The following DNER variants were observed in gnomAD, a reference collection of about 807,000 sequenced individuals.
DNER encodes delta and Notch-like epidermal growth factor-related receptor.
A neutral mutation model predicts 78.2 loss-of-function variants in DNER; 33 were observed. The observed-to-expected ratio is 0.42, with a 90% CI of 0.32 to 0.56. The LOEUF is 0.56. Among genes scored for constraint, DNER ranks in the 20% least tolerant of loss-of-function variants. The pLI is 0.11. For synonymous variants in DNER, 417 were observed against 384.8 expected, an observed-to-expected ratio of 1.08 and a Z score of -0.98; for missense variants, 918 against 975.3, an observed-to-expected ratio of 0.94 and a Z score of 0.78.
chr2:229,576,742 G>A (rs963527437), intron 4 of DNER, among the ~76,000 whole-genome samples: 2 of 152,186 alleles, frequency 1.3e-5, no homozygotes, highest in African/African-American at 4.8e-5. Flanking sequence ...GACTGGTAAA[G>A]CAAAGATTTT....
intron 7 of DNER, among the ~76,000 whole-genome samples, chr2:229,463,761 A>C (rs1055398850): frequency 6.6e-6 from 1 of 152,206 alleles, no homozygotes; most frequent in Non-Finnish European, 1.5e-5. Flanking sequence ...TGGTTTATGA[A>C]GTATTCTGCT....
intron 7 of DNER, among the ~76,000 whole-genome samples, chr2:229,462,080 C>T (rs1371038027): frequency 6.6e-6 from 1 of 152,060 alleles, no homozygotes; most frequent in African/African-American, 2.4e-5. Context: ...AGTTGACTTT[C>T]CTTCAAATTT....
intron 1 of DNER, among the ~76,000 whole-genome samples, chr2:229,668,573 T>TATATATATACAC (rs1259916500): frequency 2.2e-5 from 2 of 92,214 alleles, no homozygotes; most frequent in African/African-American, 1.2e-4. Context: ...TATATATATA[T>TATATATATACAC]ATATATAAAA....
At chr2:229,417,991 ATT>A in intron 9 of DNER, 115 bp downstream of exon 9, 1 of 1,520,408 alleles carries the variant, frequency 6.6e-7, no homozygotes, top group Non-Finnish European at 8.9e-7. Context: ...CAGCTTCAGC[ATT>A]TGATTGTTAT....
intron 4 of DNER, among the ~76,000 whole-genome samples, chr2:229,577,125 T>C (rs1697316787): frequency 6.6e-6 from 1 of 152,160 alleles, no homozygotes; most frequent in Admixed American, 6.5e-5. Context: ...AAGCTTAGTG[T>C]CTATGCATTT....
chr2:229,371,614 T>A lies in DNER; in HGVS notation c.1856-4495A>T, dbSNP rs923735399. Among the ~76,000 whole-genome samples, 4 of 152,328 alleles carry A rather than the reference T, an allele frequency of 2.6e-5. No individual in the cohort carries two copies. In the East Asian group the frequency reaches 7.7e-4, roughly 29 times the overall value. ...TTGAGCTAGGCAGAGGTGCTAAACT[T>A]GGAGCAGTTGCTCAAGGTGAGGCAG... On this transcript the variant is annotated intron_variant, in intron 11 of 12. Transcript: ENST00000341772.
At position 229,546,822 on chromosome 2, in the gene DNER, C is replaced by CAGATAGATAGATAGAT. The variant is rs1481830597; in HGVS notation, c.993+124_993+125insATCTATCTATCTATCT. On this transcript the variant is annotated intron_variant, in intron 5 of 12. Transcript: ENST00000341772. The stretch of plus-strand genomic sequence containing the variant: ...ATAGATAGACAGACAGACAGACAGA[C>CAGATAGATAGATAGAT]AGACAGACAGATAGATAGATAGAGC... 80 of 1,365,904 alleles carry CAGATAGATAGATAGAT rather than the reference C, an allele frequency of 5.9e-5. No homozygotes were observed. The African/African-American group carries it at 9.1e-4, about 16-fold the overall frequency. 84.6% of individuals were successfully genotyped at this position (1,365,904 alleles called of 1,614,324 possible). A position where few individuals can be genotyped will look rare whatever the true frequency, so the allele number is the denominator to read the frequency against.
chr2:229,407,554 C>G (rs1693415598), intron 9 of DNER, among the ~76,000 whole-genome samples: 1 of 152,156 alleles, frequency 6.6e-6, no homozygotes, highest in African/African-American at 2.4e-5. Context: ...CGATCACTGT[C>G]CATAGGTCCC....
chr2:229,631,566 C>A (rs752357441), intron 1 of DNER, among the ~76,000 whole-genome samples: 25 of 152,180 alleles, frequency 1.6e-4, no homozygotes, highest in Non-Finnish European at 3.2e-4. Context: ...CTCCTGCATA[C>A]TGAGCATTAT....
At chr2:229,551,642 AC>A (rs1211161392) in intron 4 of DNER, among the ~76,000 whole-genome samples, 2 of 151,796 alleles carry the variant, frequency 1.3e-5, no homozygotes, top group South Asian at 2.1e-4. Context: ...TTAAAAAAAA[AC>A]ATAAATAAGG....
chr2:229,417,317 G>A (rs981897653), intron 9 of DNER, among the ~76,000 whole-genome samples: 1 of 152,204 alleles, frequency 6.6e-6, no homozygotes, highest in African/African-American at 2.4e-5. Context: ...GGAGCAAGCG[G>A]TTGAATGAAA....
At chr2:229,552,618 G>A (rs900335554) in intron 4 of DNER, among the ~76,000 whole-genome samples, 3 of 152,120 alleles carry the variant, frequency 2.0e-5, no homozygotes, top group Non-Finnish European at 4.4e-5. Context: ...ACCATGCGAA[G>A]AAGGACATGT....
rs537566451 is a variant in DNER at position 229,527,679 on chromosome 2, A to G, written c.994-14743T>C. 4.6e-5 allele frequency among the ~76,000 whole-genome samples: 7 copies of G among 152,286 alleles called. No individual in the cohort carries two copies. The East Asian group carries it at 1.2e-3, about 25-fold the overall frequency. On this transcript the variant is annotated intron_variant, in intron 5 of 12. Transcript: ENST00000341772. ...TTGTATCAATGTTTGAGTTACTTCT[A>G]TTTTTTAAAAAGAATGTTTTGTTCA... is the stretch of plus-strand genomic sequence containing the variant.
At chr2:229,660,971 G>C (rs1206129761) in intron 1 of DNER, among the ~76,000 whole-genome samples, 3 of 152,264 alleles carry the variant, frequency 2.0e-5, no homozygotes, top group Admixed American at 2.0e-4. Flanking sequence ...TTAAGAATGA[G>C]CTAGAGTAAG....
Position 229,521,573 on chromosome 2 carries a change from C to T in DNER, c.994-8637G>A, listed in dbSNP as rs143107887. Among the ~76,000 whole-genome samples the T allele has an allele frequency of 7.4e-4, 113 of 152,246 alleles. 1 individual carries two copies. The East Asian group carries it at 0.019, about 25-fold the overall frequency. On this transcript the variant is annotated intron_variant, in intron 5 of 12. Coordinates refer to ENST00000341772, the MANE Select transcript of DNER (RefSeq NM_139072.4). ...ACATTTTGATTTGATTAAGCATAGG[C>T]GAGCTATGACTAAAGGGTCAGACAA...
chr2:229,571,316 C>T (rs1281265697), intron 4 of DNER, among the ~76,000 whole-genome samples: 3 of 152,130 alleles, frequency 2.0e-5, no homozygotes, highest in South Asian at 2.1e-4. Flanking sequence ...CCATTGAAAT[C>T]TACTTGCTGC....
intron 1 of DNER, among the ~76,000 whole-genome samples, chr2:229,608,021 C>A (rs866980336): frequency 0.013 from 1,119 of 85,434 alleles, no homozygotes; most frequent in South Asian, 0.02. Context: ...AACTCTGTCT[C>A]AAAAAAAAAA....
intron 10 of DNER, among the ~76,000 whole-genome samples, chr2:229,406,218 G>A (rs1174488754): frequency 6.6e-6 from 1 of 152,104 alleles, no homozygotes; most frequent in African/African-American, 2.4e-5. Context: ...GGGGAGAGGT[G>A]GACACAGCAA....
intron 1 of DNER, among the ~76,000 whole-genome samples, chr2:229,598,819 C>T (rs1697771346): frequency 6.6e-6 from 1 of 152,046 alleles, no homozygotes; most frequent in African/African-American, 2.4e-5. Context: ...ACAAGTTGCT[C>T]ACCTGCTCTG....
Sources: allele counts gnomAD v4.1 joint callset (sites outside exome capture counted in the v4.1 genomes callset), GRCh38; gene constraint gnomAD v4.1.1; transcripts MANE v1.5; gene names NCBI Gene and HGNC (gene_info 2026-07-23, HGNC 2026-07-21).